PBX3: variants seen among roughly 807,000 people sequenced by gnomAD.
PBX3 encodes the protein pre-B-cell leukemia transcription factor 3.
PBX3 carries 14 observed loss-of-function variants against 48.5 expected under a neutral mutation model. That is an observed-to-expected ratio of 0.29 (90% CI 0.19 to 0.45). The LOEUF (loss-of-function observed/expected upper bound fraction) is 0.45. Among genes scored for constraint, PBX3 ranks in the 20% least tolerant of loss-of-function variants. The probability of loss-of-function intolerance (pLI) is 1.00; values close to 1 mark genes in which losing one functional copy is unlikely to be tolerated. For synonymous variants in PBX3, 210 were observed against 200.3 expected, an observed-to-expected ratio of 1.05 and a Z score of -0.41; for missense variants, 386 against 546.7, an observed-to-expected ratio of 0.71 and a Z score of 2.93.
At chr9:125,828,266 A>T (rs1838862862) in intron 2 of PBX3, among the ~76,000 whole-genome samples, 1 of 152,210 alleles carries the variant, frequency 6.6e-6, no homozygotes, top group South Asian at 2.1e-4. Context: ...AGATACTGAG[A>T]TATATGTACT....
At chr9:125,778,596 T>C (rs1837143693) in intron 2 of PBX3, among the ~76,000 whole-genome samples, 1 of 128,042 alleles carries the variant, frequency 7.8e-6, no homozygotes, top group Non-Finnish European at 1.6e-5. Context: ...TCAATTTTGT[T>C]GATCTTTTCT....
chr9:125,963,059 T>C lies in PBX3; in HGVS notation c.1170T>C (p.Asp390=), dbSNP rs138039965. 5.0e-6 allele frequency: 8 copies of C among 1,610,956 alleles called. No homozygotes were observed. The highest frequency in any genetic ancestry group is 6.8e-6 in the Non-Finnish European group (8 of 1,177,732). ...TCAATCAGACGGGAGGCTACAGTGA[T>C]GGCCTTGGAGGAAATTCACTGTACA... ...HVINQTGGYS[D]GLGGNSLYSP... The change falls in exon 8 of 9, where the codon GAT becomes GAC. Residue 390 remains aspartate (D), a synonymous_variant. Coordinates refer to ENST00000373489, the MANE Select transcript of PBX3 (RefSeq NM_006195.6).
chr9:125,929,898 G>A (rs1841677705), intron 4 of PBX3, 53 bp downstream of exon 4: 19 of 1,370,596 alleles, frequency 1.4e-5, no homozygotes, highest in Non-Finnish European at 2.0e-5. Context: ...GTCACTCCTT[G>A]TGTATTATTT....
chr9:125,931,026 A>G (rs532730599), intron 4 of PBX3, among the ~76,000 whole-genome samples: 2 of 152,234 alleles, frequency 1.3e-5, no homozygotes, highest in Non-Finnish European at 2.9e-5. Context: ...GAAAGTTTGG[A>G]AAATATATGG....
chr9:125,949,895 C>A (rs1048221693), intron 5 of PBX3, among the ~76,000 whole-genome samples: 4 of 152,114 alleles, frequency 2.6e-5, no homozygotes, highest in Admixed American at 6.6e-5. Context: ...TTCTGGGATG[C>A]GGCTGTGTTG....
chr9:125,751,395 T>C (rs750446619), intron 2 of PBX3, among the ~76,000 whole-genome samples: 9 of 152,248 alleles, frequency 5.9e-5, no homozygotes, highest in Non-Finnish European at 1.0e-4. Flanking sequence ...CCAGTTCTTA[T>C]GCACATGGGG....
chr9:125,766,688 G>C (rs1443014409), intron 2 of PBX3, among the ~76,000 whole-genome samples: 2 of 152,134 alleles, frequency 1.3e-5, no homozygotes, highest in East Asian at 3.9e-4. Flanking sequence ...TCTCAAATAA[G>C]TTCTTCTGTC....
chr9:125,811,011 T>TTTA (rs1293837939), intron 2 of PBX3, among the ~76,000 whole-genome samples: 1 of 152,186 alleles, frequency 6.6e-6, no homozygotes, highest in African/African-American at 2.4e-5. Flanking sequence ...CCCTAATATC[T>TTTA]TTTATAAACT....
chr9:125,851,947 G>A lies in PBX3; in HGVS notation c.275-63739G>A, dbSNP rs372227565. Among the ~76,000 whole-genome samples the A allele has an allele frequency of 3.4e-3, 467 of 138,234 alleles. 2 individuals are homozygous for A. The highest frequency in any genetic ancestry group is 5.1e-3 in the African/African-American group (188 of 36,552). 90.7% of individuals were successfully genotyped at this position (138,234 alleles called of 152,430 possible). ...CTCCCTTAGATGTGGCAGTCTTTTTGTGTATGTCTCTGAGTGGATTTAAGA... is the reference window on the plus strand; with the variant it reads ...CTCCCTTAGATGTGGCAGTCTTTTTATGTATGTCTCTGAGTGGATTTAAGA... On this transcript the variant is annotated intron_variant, in intron 2 of 8. Coordinates refer to ENST00000373489, the MANE Select transcript of PBX3 (RefSeq NM_006195.6).
intron 2 of PBX3, among the ~76,000 whole-genome samples, chr9:125,753,804 G>A (rs1588116240): frequency 6.6e-6 from 1 of 152,056 alleles, no homozygotes; most frequent in Non-Finnish European, 1.5e-5. Context: ...TTCATAAAAT[G>A]TACTTGTCTA....
chr9:125,900,223 C>T lies in PBX3; in HGVS notation c.275-15463C>T, dbSNP rs553679717. On this transcript the variant is annotated intron_variant, in intron 2 of 8. Coordinates refer to ENST00000373489, the MANE Select transcript of PBX3 (RefSeq NM_006195.6). Reference sequence around the variant, plus strand: ...TTTCTCATTCTTAAACACCCCTCCCCCCACATCCCGCCCTTTTTTTTTTTT... The same window carrying T: ...TTTCTCATTCTTAAACACCCCTCCCTCCACATCCCGCCCTTTTTTTTTTTT... Among the ~76,000 whole-genome samples the T allele has an allele frequency of 2.6e-5, 3 of 116,994 alleles. No homozygotes were observed. In the South Asian group the frequency reaches 8.9e-4, roughly 35 times the overall value. 76.8% of individuals were successfully genotyped at this position (116,994 alleles called of 152,430 possible).
At chr9:125,940,329 TATATAAG>T (rs879435998) in intron 5 of PBX3, among the ~76,000 whole-genome samples, 4 of 152,230 alleles carry the variant, frequency 2.6e-5, no homozygotes, top group Non-Finnish European at 4.4e-5. Context: ...CAAACCTGCA[TATATAAG>T]GCAAGGAAGT....
At chr9:125,812,479 T>C (rs1181131827) in intron 2 of PBX3, among the ~76,000 whole-genome samples, 1 of 152,252 alleles carries the variant, frequency 6.6e-6, no homozygotes, top group African/African-American at 2.4e-5. Context: ...ATTTACAGAC[T>C]TAAGAGTTTA....
At chr9:125,791,888 C>CAA (rs879635585) in intron 2 of PBX3, among the ~76,000 whole-genome samples, 1 of 129,274 alleles carries the variant, frequency 7.7e-6, no homozygotes, top group Non-Finnish European at 1.7e-5. Context: ...GACTCCGTCT[C>CAA]AAAAAAAAAA....
chr9:125,840,577 A>G (rs1839262143), intron 2 of PBX3, among the ~76,000 whole-genome samples: 1 of 151,264 alleles, frequency 6.6e-6, no homozygotes, highest in African/African-American at 2.4e-5. Context: ...AGAACTGGCC[A>G]TTTTTCTTTC....
chr9:125,915,372 A>T (rs1841302920), intron 2 of PBX3, among the ~76,000 whole-genome samples: 1 of 152,148 alleles, frequency 6.6e-6, no homozygotes, highest in Non-Finnish European at 1.5e-5. Context: ...TGCTTAAATT[A>T]TCTAAATCTG....
intron 2 of PBX3, among the ~76,000 whole-genome samples, chr9:125,898,857 A>C (rs1840838433): frequency 6.6e-6 from 1 of 151,858 alleles, no homozygotes; most frequent in Non-Finnish European, 1.5e-5. Flanking sequence ...TTAAATGAGT[A>C]CAAATTTATT....
chr9:125,818,904 C>T (rs1838561287), intron 2 of PBX3, among the ~76,000 whole-genome samples: 3 of 151,780 alleles, frequency 2.0e-5, no homozygotes, highest in East Asian at 3.9e-4. Flanking sequence ...GGTGTGATCT[C>T]GGCTGACTGC....
At chr9:125,793,067 T>C (rs1837658442) in intron 2 of PBX3, among the ~76,000 whole-genome samples, 1 of 151,708 alleles carries the variant, frequency 6.6e-6, no homozygotes, top group Non-Finnish European at 1.5e-5. Flanking sequence ...TAAAAAAATA[T>C]ATTGGCCAGG....
Sources: gnomAD v4.1 joint callset for allele counts (sites outside exome capture counted in the v4.1 genomes callset) on GRCh38, gnomAD v4.1.1 for gene constraint, MANE v1.5 for transcripts, NCBI Gene and HGNC (gene_info 2026-07-23, HGNC 2026-07-21) for gene names.